Variants in WWOX observed in about 807,000 individuals in gnomAD.
WWOX encodes the protein WW domain-containing oxidoreductase.
A neutral mutation model predicts 46.2 loss-of-function variants in WWOX; 69 were observed. That is an observed-to-expected ratio of 1.49 (90% CI 1.23 to 1.82). The LOEUF is 1.82. Among genes scored for constraint, WWOX ranks in the 40% most tolerant of loss-of-function variants. The pLI is 0.00. For synonymous variants in WWOX, 359 were observed against 202.6 expected, an observed-to-expected ratio of 1.77 and a Z score of -6.56; for missense variants, 919 against 542.6, an observed-to-expected ratio of 1.69 and a Z score of -6.89.
chr16:78,811,741 C>G (rs2051195096), intron 8 of WWOX, among the ~76,000 whole-genome samples: 1 of 151,986 alleles, frequency 6.6e-6, no homozygotes, highest in African/African-American at 2.4e-5. Flanking sequence ...TCATCTAAAC[C>G]TAACAACCTC....
intron 8 of WWOX, among the ~76,000 whole-genome samples, chr16:78,783,402 G>C (rs941663508): frequency 6.6e-6 from 1 of 152,182 alleles, no homozygotes; most frequent in Non-Finnish European, 1.5e-5. Flanking sequence ...TTAGCTACAC[G>C]ACCAAGAGAC....
At chr16:78,261,784 CTATCTATA>C (rs1384125109) in intron 5 of WWOX, among the ~76,000 whole-genome samples, 14 of 50,898 alleles carry the variant, frequency 2.8e-4, no homozygotes, top group African/African-American at 1.5e-3. Flanking sequence ...ATCTATCTAT[CTATCTATA>C]TATATATATA....
chr16:78,631,017 C>G (rs905485782), intron 8 of WWOX, among the ~76,000 whole-genome samples: 20 of 152,176 alleles, frequency 1.3e-4, no homozygotes, highest in African/African-American at 4.6e-4. Context: ...TCCAACATAA[C>G]CACTATTTAT....
At chr16:78,756,485 C>T (rs73573718) in intron 8 of WWOX, among the ~76,000 whole-genome samples, 3 of 152,162 alleles carry the variant, frequency 2.0e-5, no homozygotes, top group Middle Eastern at 6.8e-3. Context: ...TTACCTTAGA[C>T]CATGAGGAGA....
chr16:78,452,673 A>G (rs1454348676), intron 8 of WWOX, among the ~76,000 whole-genome samples: 1 of 151,346 alleles, frequency 6.6e-6, no homozygotes, highest in African/African-American at 2.4e-5. Context: ...ACTAGGTTTT[A>G]CCATGTTGGC....
At chr16:79,124,664 A>G (rs1040087980) in intron 8 of WWOX, among the ~76,000 whole-genome samples, 1 of 152,218 alleles carries the variant, frequency 6.6e-6, no homozygotes, top group Admixed American at 6.5e-5. Flanking sequence ...TGTTGATGGC[A>G]AGAAAAGAAG....
At chr16:79,055,740 C>G (rs959088690) in intron 8 of WWOX, among the ~76,000 whole-genome samples, 3 of 152,142 alleles carry the variant, frequency 2.0e-5, no homozygotes, top group Non-Finnish European at 4.4e-5. Flanking sequence ...TTCTATGTGA[C>G]CTATGGAATC....
rs144413730 is a variant in WWOX at position 78,940,498 on chromosome 16, T to G, written c.1057-271110T>G. Among the ~76,000 whole-genome samples, 15 of 152,288 alleles carry G rather than the reference T, an allele frequency of 9.8e-5. No individual in the cohort carries two copies. The East Asian group carries it at 2.9e-3, about 29-fold the overall frequency. Reference sequence around the variant, plus strand: ...GGAGTATCCGGTGTTAGGAGTTCTTTCGAAGTCACATTTTTACATCATTTC... The same window carrying G: ...GGAGTATCCGGTGTTAGGAGTTCTTGCGAAGTCACATTTTTACATCATTTC... On this transcript the variant is annotated intron_variant, in intron 8 of 8. Transcript: ENST00000566780.
intron 8 of WWOX, among the ~76,000 whole-genome samples, chr16:79,045,190 T>C (rs1892927665): frequency 1.3e-5 from 2 of 152,218 alleles, no homozygotes; most frequent in South Asian, 2.1e-4. Flanking sequence ...CCCCAAATTA[T>C]GCATTAGAAC....
At chr16:78,685,281 G>A (rs556461006) in intron 8 of WWOX, among the ~76,000 whole-genome samples, 1 of 152,144 alleles carries the variant, frequency 6.6e-6, no homozygotes. Context: ...TGACTCAAGT[G>A]ATGAGGCCTG....
chr16:79,079,801 G>C (rs1218859866), intron 8 of WWOX, among the ~76,000 whole-genome samples: 7 of 152,136 alleles, frequency 4.6e-5, no homozygotes, highest in Admixed American at 3.3e-4. Flanking sequence ...TGTATCTTTG[G>C]AATAAAGGAG....
intron 8 of WWOX, among the ~76,000 whole-genome samples, chr16:78,580,661 C>G (rs1319098867): frequency 6.6e-6 from 1 of 152,228 alleles, no homozygotes; most frequent in Non-Finnish European, 1.5e-5. Context: ...TTTTGTAACA[C>G]TATCTTGTTT....
intron 8 of WWOX, among the ~76,000 whole-genome samples, chr16:79,182,056 G>A (rs2150788285): frequency 6.7e-6 from 1 of 149,902 alleles, no homozygotes. Flanking sequence ...TACCGCAGGG[G>A]AACCTTCCAA....
intron 5 of WWOX, among the ~76,000 whole-genome samples, chr16:78,351,027 T>G (rs1415075065): frequency 6.6e-6 from 1 of 152,234 alleles, no homozygotes; most frequent in African/African-American, 2.4e-5. Flanking sequence ...GTGATTTTGA[T>G]TTGGATTTTC....
chr16:78,544,430 G>A (rs1448047966), intron 8 of WWOX, among the ~76,000 whole-genome samples: 7 of 152,196 alleles, frequency 4.6e-5, no homozygotes, highest in Admixed American at 3.3e-4. Context: ...TAAGTAGTCA[G>A]TTCCTCATTT....
chr16:78,866,528 G>A (rs1406603068), intron 8 of WWOX, among the ~76,000 whole-genome samples: 3 of 152,014 alleles, frequency 2.0e-5, no homozygotes, highest in African/African-American at 4.8e-5. Context: ...CTGAAGCTAT[G>A]AGCTATCGAT....
At chr16:78,662,516 A>G (rs1478336339) in intron 8 of WWOX, among the ~76,000 whole-genome samples, 2 of 152,158 alleles carry the variant, frequency 1.3e-5, no homozygotes, top group South Asian at 2.1e-4. Flanking sequence ...CGATACCACT[A>G]TCAGGCCCTT....
intron 8 of WWOX, among the ~76,000 whole-genome samples, chr16:78,540,454 A>G (rs1011089720): frequency 2.0e-5 from 3 of 152,180 alleles, no homozygotes; most frequent in Non-Finnish European, 4.4e-5. Flanking sequence ...TCTCATGGGC[A>G]TTACTAGTAC....
chr16:78,107,149 T>A (rs117344747), intron 1 of WWOX, among the ~76,000 whole-genome samples: 2 of 152,208 alleles, frequency 1.3e-5, no homozygotes, highest in African/African-American at 4.8e-5. Context: ...TTAAATAATA[T>A]AACTTTCTGG....
Sources: gnomAD v4.1 joint callset for allele counts (sites outside exome capture counted in the v4.1 genomes callset) on GRCh38, gnomAD v4.1.1 for gene constraint, MANE v1.5 for transcripts, NCBI Gene and HGNC (gene_info 2026-07-23, HGNC 2026-07-21) for gene names.